The following ZBTB49 variants were observed in gnomAD, a reference collection of about 807,000 sequenced individuals.
The protein encoded by ZBTB49 is zinc finger and BTB domain-containing protein 49.
A neutral mutation model predicts 57.5 loss-of-function variants in ZBTB49; 43 were observed. The ratio of observed to expected loss-of-function variants is 0.75; its 90% CI spans 0.59 to 0.97. The LOEUF is 0.97. Among genes scored for constraint, ZBTB49 ranks in the 50% least tolerant of loss-of-function variants. The pLI is 0.00. For missense variants in ZBTB49, 938 were observed against 947.7 expected, an observed-to-expected ratio of 0.99 and a Z score of 0.13; for synonymous variants, 369 against 362.1, an observed-to-expected ratio of 1.02 and a Z score of -0.22.
chr4:4,319,456 T>TA (rs1721318635), intron 7 of ZBTB49, among the ~76,000 whole-genome samples: 1 of 152,192 alleles, frequency 6.6e-6, no homozygotes, highest in Non-Finnish European at 1.5e-5. Context: ...TGGAGCTAGA[T>TA]CCCTTACCTT....
intron 4 of ZBTB49, among the ~76,000 whole-genome samples, chr4:4,307,594 G>A (rs1051830179): frequency 2.0e-5 from 3 of 152,134 alleles, no homozygotes; most frequent in East Asian, 3.8e-4. Context: ...CTCAAGAAAC[G>A]CCAGCATTCC....
At chr4:4,294,293 A>G (rs1267877504) in intron 1 of ZBTB49, among the ~76,000 whole-genome samples, 1 of 151,978 alleles carries the variant, frequency 6.6e-6, no homozygotes, top group African/African-American at 2.4e-5. Flanking sequence ...TTATAACCTT[A>G]CTGGGGAGGT....
rs559433042 is a variant in ZBTB49 at position 4,294,720 on chromosome 4, G to T, written c.-20+4368G>T. Among the ~76,000 whole-genome samples the T allele has an allele frequency of 2.4e-3, 361 of 151,994 alleles. 4 individuals carry two copies. Among genetic ancestry groups the T allele is most frequent in the African/African-American group, 8.4e-3 (348 of 41,420 alleles). On this transcript the variant is annotated intron_variant, in intron 1 of 7. Transcript: ENST00000337872. ...AACTGCCTAGCATCATAACTCTGGGGGTCATTCCAAATAACTTTTTCCTTT... is the reference window on the plus strand; with the variant it reads ...AACTGCCTAGCATCATAACTCTGGGTGTCATTCCAAATAACTTTTTCCTTT...
At position 4,302,695 on chromosome 4, in the gene ZBTB49, C is replaced by T; in HGVS notation, c.859C>T (p.His287Tyr). The T allele has an allele frequency of 6.2e-7, 1 of 1,612,296 alleles. No homozygotes were observed. Among genetic ancestry groups the T allele is most frequent in the Non-Finnish European group, 8.5e-7 (1 of 1,179,032 alleles). Residue 287 changes from histidine (H) to tyrosine (Y), a missense_variant, in exon 3 of 8, where the codon CAC (histidine) becomes TAC (tyrosine). His to Tyr is a moderately conservative substitution (Grantham distance 83). Coordinates refer to ENST00000337872, the MANE Select transcript of ZBTB49 (RefSeq NM_145291.4). ...LAQPVNDSAP[H>Y]PESDATCQQP... ...CCAGCCTGTGAATGACTCTGCCCCA[C>T]ACCCTGAGTCAGACGCCACATGCCA...
At chr4:4,297,816 C>G (rs1381954236) in intron 1 of ZBTB49, among the ~76,000 whole-genome samples, 1 of 150,620 alleles carries the variant, frequency 6.6e-6, no homozygotes, top group Non-Finnish European at 1.5e-5. Flanking sequence ...TAGGTGACAG[C>G]TCACCTAAGC....
At chr4:4,295,100 G>A (rs1229039346) in intron 1 of ZBTB49, among the ~76,000 whole-genome samples, 1 of 152,084 alleles carries the variant, frequency 6.6e-6, no homozygotes, top group Non-Finnish European at 1.5e-5. Flanking sequence ...TTAGAGACTT[G>A]CTTCAGTTAA....
At chr4:4,304,508 A>G (rs1720655173) in intron 3 of ZBTB49, among the ~76,000 whole-genome samples, 1 of 149,146 alleles carries the variant, frequency 6.7e-6, no homozygotes, top group African/African-American at 2.5e-5. Context: ...ATGAGCCACA[A>G]CGCTTGGCCC....
chr4:4,320,998 A>G lies in ZBTB49; in HGVS notation c.1980A>G (p.Gln660=), dbSNP rs1026992585. 1.1e-5 allele frequency: 17 copies of G among 1,614,048 alleles called. No homozygotes were observed. The East Asian group carries it at 2.9e-4, about 27-fold the overall frequency. The change falls in exon 8 of 8, where the codon CAA becomes CAG. Residue 660 remains glutamine (Q), a synonymous_variant. Transcript: ENST00000337872. ...ATTGTAAGTTACGGTCCATGATCCAACCTCATGGAGTTAGTGACCAGGAGA... is the reference window on the plus strand; with the variant it reads ...ATTGTAAGTTACGGTCCATGATCCAGCCTCATGGAGTTAGTGACCAGGAGA... The part of the protein sequence containing the change: ...GSYCKLRSMI[Q]PHGVSDQEKL...
intron 1 of ZBTB49, among the ~76,000 whole-genome samples, chr4:4,298,974 A>G (rs1196150256): frequency 6.6e-6 from 1 of 152,148 alleles, no homozygotes; most frequent in Non-Finnish European, 1.5e-5. Context: ...TGTTTTGTTC[A>G]TTGCTGTGAC....
chr4:4,308,224 C>T (rs1288026822), intron 4 of ZBTB49, among the ~76,000 whole-genome samples: 3 of 152,238 alleles, frequency 2.0e-5, no homozygotes, highest in African/African-American at 2.4e-5. Flanking sequence ...ACTACAGGTG[C>T]GTTCCACCAC....
At chr4:4,293,447 C>A (rs1214639300) in intron 1 of ZBTB49, among the ~76,000 whole-genome samples, 1 of 152,194 alleles carries the variant, frequency 6.6e-6, no homozygotes, top group East Asian at 1.9e-4. Flanking sequence ...GTTATGAATG[C>A]GGCTTTGGTG....
Position 4,321,001 on chromosome 4 carries a change from T to G in ZBTB49, c.1983T>G (p.Pro661=), listed in dbSNP as rs1721392107. Residue 661 remains proline (P), a synonymous_variant, in exon 8 of 8, where the codon CCT becomes CCG. Coordinates refer to ENST00000337872, the MANE Select transcript of ZBTB49 (RefSeq NM_145291.4). ...GTAAGTTACGGTCCATGATCCAACC[T>G]CATGGAGTTAGTGACCAGGAGAAGC... The part of the protein sequence containing the change: ...SYCKLRSMIQ[P]HGVSDQEKLS... 6 of 1,614,170 alleles carry G rather than the reference T, an allele frequency of 3.7e-6. No homozygotes were observed. The highest frequency in any genetic ancestry group is 5.1e-6 in the Non-Finnish European group (6 of 1,180,034).
chr4:4,320,426 A>G (rs1395263826), intron 7 of ZBTB49, among the ~76,000 whole-genome samples: 1 of 151,966 alleles, frequency 6.6e-6, no homozygotes, highest in Non-Finnish European at 1.5e-5. Context: ...TGGCCACTGT[A>G]AAAGCATCTT....
chr4:4,311,963 T>A (rs539233341), intron 4 of ZBTB49, among the ~76,000 whole-genome samples: 285 of 152,346 alleles, frequency 1.9e-3, no homozygotes, highest in African/African-American at 6.4e-3. Flanking sequence ...CTAGTTTTCA[T>A]TCACAAGTCA....
chr4:4,301,141 T>TA (rs1379083881), intron 2 of ZBTB49, among the ~76,000 whole-genome samples: 5 of 152,228 alleles, frequency 3.3e-5, no homozygotes. Context: ...GATATTGTGA[T>TA]ACACAGGCTG....
chr4:4,295,584 G>A (rs968696079), intron 1 of ZBTB49, among the ~76,000 whole-genome samples: 1 of 152,236 alleles, frequency 6.6e-6, no homozygotes, highest in Non-Finnish European at 1.5e-5. Flanking sequence ...CTTGGCAGGG[G>A]TGGGTAACTG....
At chr4:4,293,146 C>G (rs1720023024) in intron 1 of ZBTB49, among the ~76,000 whole-genome samples, 1 of 152,136 alleles carries the variant, frequency 6.6e-6, no homozygotes, top group African/African-American at 2.4e-5. Context: ...TATTGAGTGC[C>G]TATTATGTCA....
chr4:4,292,090 T>A (rs529221083), intron 1 of ZBTB49, among the ~76,000 whole-genome samples: 2 of 151,868 alleles, frequency 1.3e-5, no homozygotes, highest in Non-Finnish European at 2.9e-5. Flanking sequence ...CTGGCCAACA[T>A]GGTGAGACCC....
intron 7 of ZBTB49, 111 bp downstream of exon 7, chr4:4,316,081 GTT>G (rs1393523677): frequency 1.4e-6 from 2 of 1,388,700 alleles, no homozygotes; most frequent in Admixed American, 4.8e-5. Flanking sequence ...GTTTCCTCCT[GTT>G]TTTTTATTGC....
Sources: gnomAD v4.1 joint callset for allele counts (sites outside exome capture counted in the v4.1 genomes callset) on GRCh38, gnomAD v4.1.1 for gene constraint, MANE v1.5 for transcripts, NCBI Gene and HGNC (gene_info 2026-07-23, HGNC 2026-07-21) for gene names.